Variants in MMP27 observed in about 807,000 individuals in gnomAD.
MMP27 encodes the protein matrix metallopeptidase 27.
A neutral mutation model predicts 48.1 loss-of-function variants in MMP27; 51 were observed. The observed-to-expected ratio is 1.06, with a 90% CI of 0.85 to 1.34. MMP27 has a LOEUF of 1.34. MMP27 is among the 40% of genes most tolerant of loss of function. The pLI, the probability that MMP27 is intolerant of heterozygous loss-of-function variation, is 0.00. For synonymous variants in MMP27, 229 were observed against 208.9 expected (o/e 1.10, Z -0.83); for missense variants, 698 against 619.3 (o/e 1.13, Z -1.35).
intron 1 of MMP27, among the ~76,000 whole-genome samples, 172 bp from the exon 2 acceptor site, chr11:102,704,947 A>C (rs1424893793): frequency 6.6e-6 from 1 of 152,224 alleles, no homozygotes; most frequent in East Asian, 1.9e-4. Context: ...AAGGAAGGAC[A>C]CAAAGAGGAA....
chr11:102,705,462 A>G, intron 1 of MMP27, 151 bp downstream of exon 1: 2 of 534,778 alleles, frequency 3.7e-6, no homozygotes, highest in African/African-American at 2.0e-5. Flanking sequence ...ATTTCCTGAT[A>G]TCGTCAGAGA....
intron 6 of MMP27, 28 bp from the exon 7 acceptor site, chr11:102,695,125 A>G: frequency 1.2e-6 from 2 of 1,606,862 alleles, no homozygotes; most frequent in South Asian, 2.2e-5. Flanking sequence ...CACTTTACAC[A>G]TGCAGCCTAT....
chr11:102,700,681 T>G (rs894676583), intron 4 of MMP27, among the ~76,000 whole-genome samples: 8 of 152,234 alleles, frequency 5.3e-5, no homozygotes, highest in African/African-American at 1.9e-4. Context: ...CTTTTTCTCC[T>G]TCCCAACACT....
chr11:102,699,235 G>C (rs936519893), intron 4 of MMP27, among the ~76,000 whole-genome samples: 7 of 152,104 alleles, frequency 4.6e-5, no homozygotes, highest in Non-Finnish European at 1.0e-4. Flanking sequence ...GGGAGACCAA[G>C]GTGGGTGGAT....
At position 102,705,650 on chromosome 11, in the gene MMP27, C is replaced by T. The variant is rs765326275; in HGVS notation, c.65G>A (p.Arg22Gln). ...CATATTTTCTTCATTTTCCGTCATC[C>T]GGACTAAGGGAAATGCAGAAGAAAA... ...ITFSSAFPLV[R>Q]MTENEENMQL... The change falls in exon 1 of 10, where the codon CGG becomes CAG. Residue 22 changes from arginine (R) to glutamine (Q), a missense_variant. By Grantham distance (43) the Arg-to-Gln change is conservative. Transcript: ENST00000260229. The T allele has an allele frequency of 1.4e-5, 23 of 1,601,952 alleles. No homozygotes were observed. Among genetic ancestry groups the T allele is most frequent in the South Asian group, 1.2e-4 (11 of 88,424 alleles).
At chr11:102,703,853 C>G (rs527884246) in intron 2 of MMP27, among the ~76,000 whole-genome samples, 1 of 152,278 alleles carries the variant, frequency 6.6e-6, no homozygotes, top group East Asian at 1.9e-4. Flanking sequence ...ATGAGAACCA[C>G]AAGAATTGCT....
intron 1 of MMP27, 70 bp downstream of exon 1, chr11:102,705,543 T>C: frequency 9.8e-7 from 1 of 1,024,870 alleles, no homozygotes; most frequent in Non-Finnish European, 1.4e-6. Context: ...GTTTTCTTTT[T>C]AGGTCCCAAG....
chr11:102,696,866 T>C (rs1860841469), intron 4 of MMP27, 31 bp from the exon 5 acceptor site: 1 of 1,587,394 alleles, frequency 6.3e-7, no homozygotes, highest in Non-Finnish European at 8.5e-7. Context: ...CACGAGCACA[T>C]GACTTAATCA....
intron 1 of MMP27, 67 bp from the exon 2 acceptor site, chr11:102,704,842 G>C (rs1861017093): frequency 9.1e-7 from 1 of 1,094,006 alleles, no homozygotes; most frequent in Non-Finnish European, 1.3e-6. Context: ...TCCATCTCAG[G>C]ATAAAGCAAA....
Position 102,696,472 on chromosome 11 carries a change from A to C in MMP27, c.801T>G (p.Pro267=). 1 of 1,613,734 alleles carries C rather than the reference A, an allele frequency of 6.2e-7. No individual in the cohort carries two copies. The highest frequency in any genetic ancestry group is 8.5e-7 in the Non-Finnish European group (1 of 1,179,798). ...GTATAGTGGGTTCCTTTGGCTTAGC[A>C]GGTTCCTTAGGCAGACCTCCTTTGA... ...QSIYGGLPKE[P]AKPKEPTIPH... Residue 267 remains proline, a synonymous_variant, in exon 6 of 10, where the codon CCT becomes CCG. Coordinates refer to ENST00000260229, the MANE Select transcript of MMP27 (RefSeq NM_022122.3).
At chr11:102,692,396 G>A (rs1306142310) in intron 9 of MMP27, among the ~76,000 whole-genome samples, 1 of 152,082 alleles carries the variant, frequency 6.6e-6, no homozygotes, top group Non-Finnish European at 1.5e-5. Flanking sequence ...AGGTTTTGAG[G>A]TTCTGTGTTA....
Position 102,703,265 on chromosome 11 carries a change from T to C in MMP27, c.342-147A>G, listed in dbSNP as rs1860980784. 1.0e-5 allele frequency: 7 copies of C among 680,158 alleles called. No homozygotes were observed. In the East Asian group the frequency reaches 1.9e-4, roughly 19 times the overall value. 42.1% of individuals were successfully genotyped at this position (680,158 alleles called of 1,614,324 possible). On this transcript the variant is annotated intron_variant, in intron 2 of 9. Transcript: ENST00000260229. The stretch of plus-strand genomic sequence containing the variant: ...TTATCTTACAGTTGCATTAGCACTT[T>C]ATTTAAATGAAATACTCTTACATAT...
intron 4 of MMP27, among the ~76,000 whole-genome samples, chr11:102,701,206 C>T (rs1591661286): frequency 6.6e-6 from 1 of 152,222 alleles, no homozygotes; most frequent in African/African-American, 2.4e-5. Flanking sequence ...GAACTGCTGC[C>T]TGGTTGCCCA....
In MMP27 at chr11:102,691,497, A is replaced by G. The variant is rs1289369531; in HGVS notation, c.*269T>C. 4 of 288,404 alleles carry G rather than the reference A, an allele frequency of 1.4e-5. No homozygotes were observed. Among genetic ancestry groups the G allele is most frequent in the Non-Finnish European group, 2.6e-5 (4 of 154,910 alleles). The allele number at this position is 288,404 out of a possible 1,614,324, so 17.9% of individuals were successfully genotyped here. A position where few individuals can be genotyped will look rare whatever the true frequency, so the allele number is the denominator to read the frequency against. On this transcript the variant is annotated 3_prime_UTR_variant, in exon 10 of 10. Coordinates refer to ENST00000260229, the MANE Select transcript of MMP27 (RefSeq NM_022122.3). The stretch of plus-strand genomic sequence containing the variant: ...AAGGTCCAGACAAAATAGAATGCTA[A>G]AGATTGGTTTAATAAATGTTTCAGT...
rs1323681570 is a variant in MMP27 at position 102,691,727 on chromosome 11, A to G, written c.*39T>C. ...TATTCTATTTTGAAGCAGAATTTATATTAAAAGACCTGTTGAGGTTTATTT... is the reference window on the plus strand; with the variant it reads ...TATTCTATTTTGAAGCAGAATTTATGTTAAAAGACCTGTTGAGGTTTATTT... On this transcript the variant is annotated 3_prime_UTR_variant, in exon 10 of 10. Transcript: ENST00000260229. The G allele has an allele frequency of 2.0e-6, 3 of 1,470,284 alleles. No individual in the cohort carries two copies. The highest frequency in any genetic ancestry group is 2.7e-6 in the Non-Finnish European group (3 of 1,094,702). 91.1% of individuals were successfully genotyped at this position (1,470,284 alleles called of 1,614,324 possible). A position where few individuals can be genotyped will look rare whatever the true frequency, so the allele number is the denominator to read the frequency against.
At chr11:102,703,297 G>C (rs985942506) in intron 2 of MMP27, among the ~76,000 whole-genome samples, 179 bp from the exon 3 acceptor site, 1 of 152,058 alleles carries the variant, frequency 6.6e-6, no homozygotes, top group Admixed American at 6.5e-5. Flanking sequence ...ATATACTATA[G>C]AATTAAATTC....
chr11:102,703,425 T>G (rs1480996289), intron 2 of MMP27, among the ~76,000 whole-genome samples: 1 of 152,234 alleles, frequency 6.6e-6, no homozygotes, highest in Non-Finnish European at 1.5e-5. Context: ...ACGTGTTGGC[T>G]TGTATATGAA....
At chr11:102,700,990 G>A (rs1373346147) in intron 4 of MMP27, among the ~76,000 whole-genome samples, 1 of 152,196 alleles carries the variant, frequency 6.6e-6, no homozygotes, top group African/African-American at 2.4e-5. Context: ...TGATCATATA[G>A]GTTATTGCTG....
At chr11:102,694,352 C>T (rs1591656449) in intron 7 of MMP27, among the ~76,000 whole-genome samples, 1 of 152,142 alleles carries the variant, frequency 6.6e-6, no homozygotes, top group African/African-American at 2.4e-5. Flanking sequence ...GTAAGCAATG[C>T]ATATATGTAT....
Sources: gnomAD v4.1 joint callset for allele counts (sites outside exome capture counted in the v4.1 genomes callset) on GRCh38, gnomAD v4.1.1 for gene constraint, MANE v1.5 for transcripts, NCBI Gene and HGNC (gene_info 2026-07-23, HGNC 2026-07-21) for gene names.